Variants in SLC39A11 observed in about 807,000 individuals in gnomAD.
The protein encoded by SLC39A11 is solute carrier family 39 member 11, also known as zinc transporter ZIP11.
SLC39A11 carries 33 observed loss-of-function variants against 36.1 expected under a neutral mutation model. The ratio of observed to expected loss-of-function variants is 0.91; its 90% CI spans 0.69 to 1.22. SLC39A11 has a LOEUF of 1.22. SLC39A11 is among the 50% of genes most tolerant of loss of function. SLC39A11 has a pLI of 0.00. For missense variants in SLC39A11, 432 were observed against 430.3 expected, an observed-to-expected ratio of 1.00 and a Z score of -0.03; for synonymous variants, 166 against 170.3, an observed-to-expected ratio of 0.97 and a Z score of 0.20.
intron 4 of SLC39A11, among the ~76,000 whole-genome samples, chr17:72,973,725 A>C (rs1486466251): frequency 6.6e-6 from 1 of 152,010 alleles, no homozygotes; most frequent in East Asian, 1.9e-4. Flanking sequence ...TGCCCAGCTA[A>C]TTTTTTAAAA....
At chr17:72,766,060 G>T (rs73352913) in intron 6 of SLC39A11, among the ~76,000 whole-genome samples, 3 of 152,132 alleles carry the variant, frequency 2.0e-5, no homozygotes, top group Admixed American at 6.5e-5. Context: ...ATTTCAGAGT[G>T]AGAATGATGC....
chr17:72,984,859 C>G (rs2088596975), intron 4 of SLC39A11, among the ~76,000 whole-genome samples: 1 of 152,202 alleles, frequency 6.6e-6, no homozygotes, highest in South Asian at 2.1e-4. Context: ...TTATCTGAAA[C>G]ATAACAATAT....
intron 5 of SLC39A11, among the ~76,000 whole-genome samples, chr17:72,884,613 C>T (rs752526124): frequency 1.3e-5 from 2 of 152,182 alleles, no homozygotes; most frequent in Non-Finnish European, 1.5e-5. Flanking sequence ...TCTTAAGGAC[C>T]AGACTATATT....
At chr17:72,862,989 G>A (rs1006870617) in intron 5 of SLC39A11, among the ~76,000 whole-genome samples, 1 of 152,142 alleles carries the variant, frequency 6.6e-6, no homozygotes, top group Admixed American at 6.5e-5. Flanking sequence ...AAAGCACTTG[G>A]GGAGCTTGAG....
At chr17:72,915,654 A>G (rs1181823683) in intron 5 of SLC39A11, among the ~76,000 whole-genome samples, 1 of 152,172 alleles carries the variant, frequency 6.6e-6, no homozygotes, top group East Asian at 1.9e-4. Context: ...TCGGGTGTTT[A>G]GCTCATATGC....
chr17:72,878,228 T>C (rs1194152935), intron 5 of SLC39A11, among the ~76,000 whole-genome samples: 1 of 152,148 alleles, frequency 6.6e-6, no homozygotes, highest in Admixed American at 6.5e-5. Flanking sequence ...GATCTCTCCT[T>C]TCCAGAACCA....
chr17:72,806,860 G>T (rs1258410081), intron 6 of SLC39A11, among the ~76,000 whole-genome samples: 1 of 152,200 alleles, frequency 6.6e-6, no homozygotes, highest in East Asian at 1.9e-4. Flanking sequence ...TGGGATTACA[G>T]GCGTGAGCCA....
chr17:72,994,773 C>G (rs971286544), intron 4 of SLC39A11, among the ~76,000 whole-genome samples: 1 of 152,158 alleles, frequency 6.6e-6, no homozygotes, highest in African/African-American at 2.4e-5. Context: ...TTAGAAAGAA[C>G]AAACACTCCA....
At chr17:72,694,910 C>T (rs1006381738) in intron 7 of SLC39A11, among the ~76,000 whole-genome samples, 2 of 152,208 alleles carry the variant, frequency 1.3e-5, no homozygotes, top group African/African-American at 4.8e-5. Flanking sequence ...GAGTCTCTGT[C>T]TCTCACTCCA....
chr17:72,670,495 C>T (rs191282081), intron 7 of SLC39A11, among the ~76,000 whole-genome samples: 74 of 152,188 alleles, frequency 4.9e-4, no homozygotes, highest in Middle Eastern at 3.4e-3. Flanking sequence ...CTTTCCATTT[C>T]CTCCCTTCCT....
chr17:72,802,921 G>C lies in SLC39A11; in HGVS notation c.601+46713C>G, dbSNP rs551299988. ...TGGGAGCCACCTTCAGGCTGGAAAC[G>C]TCCATGGAGTCCCTCTGCCTGCTGG... On this transcript the variant is annotated intron_variant, in intron 6 of 9. Coordinates refer to ENST00000255559, the MANE Select transcript of SLC39A11 (RefSeq NM_139177.4). Among the ~76,000 whole-genome samples, 293 of 152,324 alleles carry C rather than the reference G, an allele frequency of 1.9e-3. 5 individuals are homozygous for C. Among genetic ancestry groups the C allele is most frequent in the Non-Finnish European group, 2.6e-4 (18 of 68,034 alleles).
chr17:72,665,389 G>GGTTT (rs1447098443), intron 7 of SLC39A11, among the ~76,000 whole-genome samples: 1 of 76,636 alleles, frequency 1.3e-5, no homozygotes, highest in Non-Finnish European at 2.4e-5. Flanking sequence ...GTTTTGAGGT[G>GGTTT]TTTTTTTTTT....
At chr17:72,784,011 G>T (rs981989722) in intron 6 of SLC39A11, among the ~76,000 whole-genome samples, 1 of 152,104 alleles carries the variant, frequency 6.6e-6, no homozygotes, top group African/African-American at 2.4e-5. Context: ...GTAACTGTGG[G>T]TAGGGGTACA....
At chr17:72,908,924 G>A (rs1369261780) in intron 5 of SLC39A11, among the ~76,000 whole-genome samples, 5 of 152,146 alleles carry the variant, frequency 3.3e-5, no homozygotes, top group Non-Finnish European at 7.3e-5. Flanking sequence ...TCCAAGGCAC[G>A]GGAGCCAAGC....
At chr17:72,855,649 C>T (rs929289353) in intron 5 of SLC39A11, among the ~76,000 whole-genome samples, 1 of 152,176 alleles carries the variant, frequency 6.6e-6, no homozygotes, top group Non-Finnish European at 1.5e-5. Context: ...GTAATCACAG[C>T]ACTTTGGGAG....
At chr17:72,887,773 C>T (rs1293941355) in intron 5 of SLC39A11, among the ~76,000 whole-genome samples, 1 of 138,782 alleles carries the variant, frequency 7.2e-6, no homozygotes, top group Non-Finnish European at 1.5e-5. Flanking sequence ...GCCTGGACTC[C>T]AGCAAATTTA....
intron 7 of SLC39A11, among the ~76,000 whole-genome samples, chr17:72,698,452 T>TA (rs2072423036): frequency 1.5e-4 from 5 of 34,066 alleles, no homozygotes; most frequent in Non-Finnish European, 2.6e-4. Context: ...GTCTCCATAA[T>TA]AAAAACCAAA....
chr17:73,025,336 T>C (rs1272498116), intron 4 of SLC39A11, among the ~76,000 whole-genome samples: 1 of 151,820 alleles, frequency 6.6e-6, no homozygotes, highest in Non-Finnish European at 1.5e-5. Context: ...GGAGCACACA[T>C]CTCCCAGGAA....
At chr17:72,980,393 C>A (rs965913664) in intron 4 of SLC39A11, among the ~76,000 whole-genome samples, 7 of 152,154 alleles carry the variant, frequency 4.6e-5, no homozygotes, top group African/African-American at 1.7e-4. Context: ...TACTGGGAGA[C>A]GCGATGAGTA....
Sources: gnomAD v4.1 joint callset for allele counts (sites outside exome capture counted in the v4.1 genomes callset) on GRCh38, gnomAD v4.1.1 for gene constraint, MANE v1.5 for transcripts, NCBI Gene and HGNC (gene_info 2026-07-23, HGNC 2026-07-21) for gene names.